Variants in SNAP25 observed in about 807,000 individuals in gnomAD.
SNAP25 encodes the protein synaptosome associated protein 25.
A neutral mutation model predicts 28.7 loss-of-function variants in SNAP25; 3 were observed. That is an observed-to-expected ratio of 0.10 (90% CI 0.05 to 0.27). SNAP25 has a LOEUF of 0.27. Among genes scored for constraint, SNAP25 ranks in the 10% least tolerant of loss-of-function variants. The probability of loss-of-function intolerance (pLI) is 1.00; values close to 1 mark genes in which losing one functional copy is unlikely to be tolerated. For synonymous variants in SNAP25, 61 were observed against 88.1 expected (o/e 0.69, Z 1.72); for missense variants, 117 against 278.7 (o/e 0.42, Z 4.13).
chr20:10,220,242 C>G (rs2122579756), intron 1 of SNAP25, among the ~76,000 whole-genome samples: 1 of 152,334 alleles, frequency 6.6e-6, no homozygotes, highest in South Asian at 2.1e-4. Context: ...CTTCCCCCAT[C>G]CTTGCAATCA....
At chr20:10,232,232 A>G (rs894448953) in intron 1 of SNAP25, among the ~76,000 whole-genome samples, 1 of 152,210 alleles carries the variant, frequency 6.6e-6, no homozygotes, top group African/African-American at 2.4e-5. Flanking sequence ...ACTATGGAAA[A>G]GGAACTGACA....
chr20:10,264,238 G>A (rs2063468284), intron 1 of SNAP25, among the ~76,000 whole-genome samples: 1 of 152,052 alleles, frequency 6.6e-6, no homozygotes, highest in Non-Finnish European at 1.5e-5. Context: ...ACTAGCCCAG[G>A]GAAGGGGCAT....
chr20:10,270,211 G>A (rs1252098164), intron 1 of SNAP25, among the ~76,000 whole-genome samples: 1 of 152,108 alleles, frequency 6.6e-6, no homozygotes, highest in Non-Finnish European at 1.5e-5. Flanking sequence ...CCGAGATCAT[G>A]CCATTGCACT....
At chr20:10,236,959 C>CATGA (rs2062933638) in intron 1 of SNAP25, among the ~76,000 whole-genome samples, 1 of 146,498 alleles carries the variant, frequency 6.8e-6, no homozygotes, top group Admixed American at 6.8e-5. Flanking sequence ...AAGGAAAATA[C>CATGA]ATAAATAAAT....
At chr20:10,306,010 T>G in intron 7 of SNAP25, 119 bp from the exon 8 acceptor site, 1 of 801,306 alleles carries the variant, frequency 1.2e-6, no homozygotes, top group Non-Finnish European at 2.1e-6. Context: ...GGATGGCCCA[T>G]GCTGACCAAG....
At chr20:10,222,544 G>A (rs2062653456) in intron 1 of SNAP25, among the ~76,000 whole-genome samples, 1 of 152,134 alleles carries the variant, frequency 6.6e-6, no homozygotes. Context: ...GAATAGGCTG[G>A]GATGCAGAGT....
At chr20:10,303,135 A>G (rs1409267459) in intron 7 of SNAP25, among the ~76,000 whole-genome samples, 1 of 152,206 alleles carries the variant, frequency 6.6e-6, no homozygotes, top group African/African-American at 2.4e-5. Context: ...TTCAATCTAC[A>G]GGAACATTTC....
At chr20:10,237,996 T>C (rs363032) in intron 1 of SNAP25, among the ~76,000 whole-genome samples, 25,877 of 152,200 alleles carry the variant, frequency 0.17, 4,275 homozygotes, top group African/African-American at 0.44. Context: ...AATTAACTGA[T>C]GTCCCTTCAG....
intron 7 of SNAP25, among the ~76,000 whole-genome samples, chr20:10,300,195 G>A (rs2064200952): frequency 6.8e-6 from 1 of 146,462 alleles, no homozygotes; most frequent in South Asian, 2.2e-4. Flanking sequence ...GAAGGGGTGG[G>A]TTTGGGGGCT....
At chr20:10,294,601 T>C (rs769772635) in intron 5 of SNAP25, among the ~76,000 whole-genome samples, 15 of 152,176 alleles carry the variant, frequency 9.9e-5, no homozygotes, top group Non-Finnish European at 2.1e-4. Context: ...AGAGTTGATC[T>C]TCACAGAAAA....
At chr20:10,281,846 G>A (rs1192145633) in intron 3 of SNAP25, among the ~76,000 whole-genome samples, 1 of 152,152 alleles carries the variant, frequency 6.6e-6, no homozygotes, top group South Asian at 2.1e-4. Context: ...AACCTTGAGA[G>A]GCTGGACCCT....
chr20:10,278,117 G>A (rs1002415773), intron 3 of SNAP25: 1 of 158,868 alleles, frequency 6.3e-6, no homozygotes, highest in Non-Finnish European at 1.4e-5. Flanking sequence ...CTAATCTTGA[G>A]ATTCTGTTCT....
chr20:10,286,183 A>T (rs2063874379), intron 4 of SNAP25, among the ~76,000 whole-genome samples: 3 of 152,166 alleles, frequency 2.0e-5, no homozygotes, highest in Admixed American at 2.0e-4. Context: ...GTACGGCCAT[A>T]AAAGAATTGT....
chr20:10,297,506 A>G (rs1259788353), intron 6 of SNAP25, among the ~76,000 whole-genome samples: 1 of 152,200 alleles, frequency 6.6e-6, no homozygotes, highest in Non-Finnish European at 1.5e-5. Flanking sequence ...AAAAGAGACT[A>G]CTTACAGAGG....
Position 10,263,009 on chromosome 20 carries a change from CTTTTTTTTT to C in SNAP25, c.-63-12401_-63-12393del, listed in dbSNP as rs57690835. ...TCAGGCGAAGCAACCCTGGGGTGCT[CTTTTTTTTT>C]TTTTTTTTTTTTTTTTTTGAGACGG... On this transcript the variant is annotated intron_variant, in intron 1 of 7. Coordinates refer to ENST00000254976, the MANE Select transcript of SNAP25 (RefSeq NM_130811.4). Among the ~76,000 whole-genome samples the C allele has an allele frequency of 3.6e-3, 181 of 50,662 alleles. 1 individual carries two copies. Among genetic ancestry groups the C allele is most frequent in the Non-Finnish European group, 5.7e-3 (167 of 29,136 alleles). The allele number at this position is 50,662 out of a possible 152,430, so 33.2% of individuals were successfully genotyped here. A position where few individuals can be genotyped will look rare whatever the true frequency, so the allele number is the denominator to read the frequency against.
intron 1 of SNAP25, among the ~76,000 whole-genome samples, chr20:10,274,896 G>C (rs1327532924): frequency 6.6e-6 from 1 of 151,970 alleles, no homozygotes; most frequent in African/African-American, 2.4e-5. Flanking sequence ...TAGACATGTG[G>C]GATAGGGCAG....
chr20:10,299,931 G>A (rs994198452), intron 7 of SNAP25, among the ~76,000 whole-genome samples: 2 of 152,202 alleles, frequency 1.3e-5, no homozygotes, highest in African/African-American at 4.8e-5. Context: ...TGAAGGGATA[G>A]AATCAGAAAA....
At chr20:10,244,962 C>G (rs6131067) in intron 1 of SNAP25, among the ~76,000 whole-genome samples, 1 of 152,152 alleles carries the variant, frequency 6.6e-6, no homozygotes, top group Non-Finnish European at 1.5e-5. Context: ...AACTCCTGAC[C>G]TCAGGTGATC....
chr20:10,297,535 C>T (rs540017982), intron 6 of SNAP25, among the ~76,000 whole-genome samples: 77 of 152,306 alleles, frequency 5.1e-4, no homozygotes, highest in African/African-American at 1.8e-3. Context: ...GGACTAATAA[C>T]AAGGAATGGT....
Sources: allele counts gnomAD v4.1 joint callset (sites outside exome capture counted in the v4.1 genomes callset), GRCh38; gene constraint gnomAD v4.1.1; transcripts MANE v1.5; gene names NCBI Gene and HGNC (gene_info 2026-07-23, HGNC 2026-07-21).